MPDZ: variants seen among roughly 807,000 people sequenced by gnomAD.
MPDZ encodes the protein multiple PDZ domain protein.
A neutral mutation model predicts 239.1 loss-of-function variants in MPDZ; 234 were observed. The ratio of observed to expected loss-of-function variants is 0.98; its 90% confidence interval spans 0.88 to 1.09. The LOEUF (loss-of-function observed/expected upper bound fraction) is 1.09, where lower values mean the gene tolerates loss of function less well. MPDZ is among the 50% of genes least tolerant of loss of function. MPDZ has a pLI of 0.00. For synonymous variants in MPDZ, 1,048 were observed against 881.3 expected (o/e 1.19, Z -3.35); for missense variants, 3,175 against 2,510.0 (o/e 1.26, Z -5.66).
intron 7 of MPDZ, among the ~76,000 whole-genome samples, chr9:13,220,254 T>C (rs967663882): frequency 2.6e-5 from 4 of 151,964 alleles, no homozygotes; most frequent in Non-Finnish European, 5.9e-5. Flanking sequence ...GCAGGTGAAA[T>C]ACTTGTGAAG....
intron 13 of MPDZ, among the ~76,000 whole-genome samples, chr9:13,195,321 T>C (rs1418071145): frequency 2.6e-5 from 4 of 152,004 alleles, no homozygotes; most frequent in Non-Finnish European, 5.9e-5. Context: ...AAGATGATTA[T>C]GGTCATGAGG....
chr9:13,156,029 AT>A lies in MPDZ; in HGVS notation c.3452+1988del, dbSNP rs146409596. ...TTATGTTCTTCTTTCTCATAAGAAAATTTCATGATTTCTGTGTCAAAGGCTT... is the reference window on the plus strand; with the variant it reads ...TTATGTTCTTCTTTCTCATAAGAAAATTCATGATTTCTGTGTCAAAGGCTT... On this transcript the variant is annotated intron_variant, in intron 24 of 46. Coordinates refer to ENST00000319217, the MANE Select transcript of MPDZ (RefSeq NM_001378778.1). Among the ~76,000 whole-genome samples the A allele has an allele frequency of 7.9e-4, 121 of 152,278 alleles. No homozygotes were observed. The East Asian group carries it at 0.02, about 26-fold the overall frequency.
At chr9:13,233,081 T>A (rs1962979521) in intron 3 of MPDZ, among the ~76,000 whole-genome samples, 1 of 152,132 alleles carries the variant, frequency 6.6e-6, no homozygotes, top group Non-Finnish European at 1.5e-5. Flanking sequence ...CCACAAGAAC[T>A]TTCATACACT....
At position 13,216,790 on chromosome 9, in the gene MPDZ, C is replaced by T. The variant is rs760770883; in HGVS notation, c.1274G>A (p.Gly425Glu). 7 of 1,608,566 alleles carry T rather than the reference C, an allele frequency of 4.4e-6. No homozygotes were observed. The highest frequency in any genetic ancestry group is 1.7e-4 in the Middle Eastern group (1 of 6,036). The change falls in exon 10 of 47, where the codon GGA becomes GAA. Residue 425 changes from glycine to glutamate, a missense_variant. Transcript: ENST00000319217. ...AVEHDGRIQI[G>E]DQIIAVDGTN... ...GTAACTTACTGCTATAATTTGGTCTCCAATTTGGATTCTTCCATCATGCTC... is the reference window on the plus strand; with the variant it reads ...GTAACTTACTGCTATAATTTGGTCTTCAATTTGGATTCTTCCATCATGCTC...
intron 4 of MPDZ, 98 bp from the exon 5 acceptor site, chr9:13,223,808 G>A (rs1320836715): frequency 1.5e-6 from 2 of 1,325,358 alleles, no homozygotes; most frequent in Non-Finnish European, 2.0e-6. Context: ...AAGGTGGGAG[G>A]ATCACTTGAA....
intron 1 of MPDZ, among the ~76,000 whole-genome samples, chr9:13,252,959 A>G (rs1012465321): frequency 6.6e-6 from 1 of 152,188 alleles, no homozygotes; most frequent in Admixed American, 6.5e-5. Context: ...TTATAAATGA[A>G]TGATGTTTAT....
At chr9:13,183,033 T>G (rs1237668159) in intron 19 of MPDZ, among the ~76,000 whole-genome samples, 1 of 152,154 alleles carries the variant, frequency 6.6e-6, no homozygotes, top group Non-Finnish European at 1.5e-5. Context: ...TATTTTACTA[T>G]CCAACTTTGC....
At chr9:13,259,758 G>A (rs1321437657) in intron 1 of MPDZ, among the ~76,000 whole-genome samples, 1 of 152,112 alleles carries the variant, frequency 6.6e-6, no homozygotes, top group African/African-American at 2.4e-5. Flanking sequence ...AGGAGAGACG[G>A]AGAAGATGAG....
At chr9:13,108,836 C>T in intron 46 of MPDZ, 100 bp downstream of exon 46, 2 of 1,194,350 alleles carry the variant, frequency 1.7e-6, no homozygotes, top group South Asian at 2.1e-5. Context: ...AACTGTTAAC[C>T]ATTTGGCATT....
chr9:13,159,620 C>T (rs1248409209), intron 23 of MPDZ, among the ~76,000 whole-genome samples: 1 of 152,076 alleles, frequency 6.6e-6, no homozygotes, highest in Non-Finnish European at 1.5e-5. Context: ...TATTCAGTGA[C>T]AGGCAGGGGA....
intron 21 of MPDZ, among the ~76,000 whole-genome samples, chr9:13,174,749 G>C (rs1952236197): frequency 6.6e-6 from 1 of 152,066 alleles, no homozygotes; most frequent in Non-Finnish European, 1.5e-5. Context: ...TTCAAGCTTT[G>C]TATCATCATC....
chr9:13,188,824 G>A lies in MPDZ; in HGVS notation c.2324C>T (p.Pro775Leu), dbSNP rs777767394. The change falls in exon 17 of 47, where the codon CCG becomes CTG. Residue 775 changes from proline (P) to leucine (L), a missense_variant. Coordinates refer to ENST00000319217, the MANE Select transcript of MPDZ (RefSeq NM_001378778.1). ...EEAVEALKGA[P>L]SGTVRIGVAK... ...AACTCCTATTCTCACAGTCCCTGAC[G>A]GTGCTCCCTTCAGTGCTTCTACAGC... is the stretch of plus-strand genomic sequence containing the variant. 1.8e-5 allele frequency: 29 copies of A among 1,613,268 alleles called. No homozygotes were observed. Among genetic ancestry groups the A allele is most frequent in the Admixed American group, 8.3e-5 (5 of 59,968 alleles).
chr9:13,221,731 C>G (rs1959125667), intron 6 of MPDZ, among the ~76,000 whole-genome samples: 1 of 151,712 alleles, frequency 6.6e-6, no homozygotes, highest in Admixed American at 6.6e-5. Context: ...AATGATTTCA[C>G]TTCAACAGTT....
chr9:13,255,176 C>T (rs1969131883), intron 1 of MPDZ, among the ~76,000 whole-genome samples: 1 of 152,226 alleles, frequency 6.6e-6, no homozygotes, highest in African/African-American at 2.4e-5. Flanking sequence ...TAAAAAGCAA[C>T]TCCTCATTCA....
At chr9:13,206,704 C>A (rs1201686115) in intron 10 of MPDZ, among the ~76,000 whole-genome samples, 1 of 152,056 alleles carries the variant, frequency 6.6e-6, no homozygotes, top group East Asian at 1.9e-4. Context: ...CCACCATGCC[C>A]AGCTAATTTT....
At chr9:13,263,647 A>G (rs1349423588) in intron 1 of MPDZ, among the ~76,000 whole-genome samples, 3 of 152,184 alleles carry the variant, frequency 2.0e-5, no homozygotes, top group African/African-American at 7.2e-5. Context: ...AATTTTACCA[A>G]GCTGTTTGAG....
chr9:13,206,747 T>A (rs569548861), intron 10 of MPDZ, among the ~76,000 whole-genome samples: 9 of 152,108 alleles, frequency 5.9e-5, no homozygotes, highest in Non-Finnish European at 1.2e-4. Context: ...TTTGACCATG[T>A]TGGCCAGGAT....
intron 32 of MPDZ, among the ~76,000 whole-genome samples, chr9:13,127,630 A>C (rs965164913): frequency 3.9e-5 from 6 of 152,222 alleles, no homozygotes; most frequent in African/African-American, 1.4e-4. Flanking sequence ...AGAGATGTTT[A>C]TGGTCATGGC....
chr9:13,222,781 G>A lies in MPDZ; in HGVS notation c.534-335C>T, dbSNP rs376924051. Among the ~76,000 whole-genome samples, 3 of 152,064 alleles carry A rather than the reference G, an allele frequency of 2.0e-5. No individual in the cohort carries two copies. In the East Asian group the frequency reaches 5.9e-4, roughly 30 times the overall value. ...TACAGTTGGCCTTGTGTATCCATGG[G>A]TTCCACATCCATAGATTAGATCCCC... is the stretch of plus-strand genomic sequence containing the variant. On this transcript the variant is annotated intron_variant, in intron 5 of 46. Transcript: ENST00000319217.
Sources: allele counts gnomAD v4.1 joint callset (sites outside exome capture counted in the v4.1 genomes callset), GRCh38; gene constraint gnomAD v4.1.1; transcripts MANE v1.5; gene names NCBI Gene and HGNC (gene_info 2026-07-23, HGNC 2026-07-21).